KIF26B: variants seen among roughly 807,000 people sequenced by gnomAD.
The protein encoded by KIF26B is kinesin family member 26B.
KIF26B carries 63 observed loss-of-function variants against 151.2 expected under a neutral mutation model. The observed-to-expected ratio is 0.42, with a 90% CI of 0.34 to 0.51. The LOEUF is 0.51. Among genes scored for constraint, KIF26B ranks in the 20% least tolerant of loss-of-function variants. The pLI, the probability that KIF26B is intolerant of heterozygous loss-of-function variation, is 0.07. For missense variants in KIF26B, 2,813 were observed against 2,913.6 expected, an observed-to-expected ratio of 0.97 and a Z score of 0.79; for synonymous variants, 1,357 against 1,262.1, an observed-to-expected ratio of 1.08 and a Z score of -1.59.
intron 4 of KIF26B, among the ~76,000 whole-genome samples, chr1:245,537,885 T>C (rs1300210436): frequency 6.6e-6 from 1 of 152,134 alleles, no homozygotes; most frequent in Non-Finnish European, 1.5e-5. Context: ...GAAATAAAAA[T>C]TGATTAATCA....
At chr1:245,575,587 A>C (rs985266352) in intron 5 of KIF26B, among the ~76,000 whole-genome samples, 1 of 152,140 alleles carries the variant, frequency 6.6e-6, no homozygotes, top group African/African-American at 2.4e-5. Context: ...ACTCTTAGAT[A>C]TGTCAGGTTG....
At chr1:245,372,293 A>T (rs1457298125) in intron 3 of KIF26B, among the ~76,000 whole-genome samples, 1 of 152,080 alleles carries the variant, frequency 6.6e-6, no homozygotes, top group South Asian at 2.1e-4. Context: ...TCCGCGCCCT[A>T]TTTGTCTGCC....
At chr1:245,552,122 G>GATGTGTGTGTGTGTGTGTGTGTGTGT (rs1553287299) in intron 5 of KIF26B, among the ~76,000 whole-genome samples, 1 of 131,614 alleles carries the variant, frequency 7.6e-6, no homozygotes, top group East Asian at 2.3e-4. Context: ...GAACCAGCAG[G>GATGTGTGTGTGTGTGTGTGTGTGTGT]GTGTGTGTGT....
chr1:245,700,766 C>A (rs1380017181), intron 14 of KIF26B, among the ~76,000 whole-genome samples: 1 of 152,200 alleles, frequency 6.6e-6, no homozygotes, highest in South Asian at 2.1e-4. Flanking sequence ...GGCCTTTCAT[C>A]GAAGGCGCTA....
chr1:245,698,341 G>A lies in KIF26B; in HGVS notation c.6027+33G>A, dbSNP rs560485231. 11 of 1,586,118 alleles carry A rather than the reference G, an allele frequency of 6.9e-6. No individual in the cohort carries two copies. In the East Asian group the frequency reaches 1.1e-4, roughly 16 times the overall value. On this transcript the variant is annotated intron_variant, in intron 13 of 14. Transcript: ENST00000407071. The surrounding 1 kb of genome is among the most constrained non-coding windows in gnomAD (Gnocchi z 4.0). ...AGCCTCCTTCCCACCCCCTGCCTAC[G>A]TGGTGGCAGCTCCCCACCAAGCCTG... is the stretch of plus-strand genomic sequence containing the variant.
intron 2 of KIF26B, among the ~76,000 whole-genome samples, chr1:245,338,139 T>A (rs1307251864): frequency 6.6e-6 from 1 of 152,198 alleles, no homozygotes; most frequent in African/African-American, 2.4e-5. Context: ...AGACGCTGAA[T>A]CATCAAAAGC....
intron 10 of KIF26B, among the ~76,000 whole-genome samples, chr1:245,649,527 T>C (rs1182434528): frequency 6.6e-6 from 1 of 152,170 alleles, no homozygotes; most frequent in Non-Finnish European, 1.5e-5. Flanking sequence ...ACTAAACACC[T>C]TCAGGGTGTC....
intron 3 of KIF26B, chr1:245,370,667 A>G (rs1346646997): frequency 3.1e-5 from 14 of 455,550 alleles, no homozygotes; most frequent in African/African-American, 1.4e-4. Context: ...GGAGCATGAA[A>G]CTGGTGCTTT....
intron 4 of KIF26B, among the ~76,000 whole-genome samples, chr1:245,439,160 T>C (rs1093916): frequency 0.76 from 115,887 of 151,752 alleles, 44,445 homozygotes; most frequent in East Asian, 0.95. Flanking sequence ...CCAGCCTGGG[T>C]GACATGGCAA....
intron 3 of KIF26B, among the ~76,000 whole-genome samples, chr1:245,410,641 G>A (rs1297929726): frequency 6.6e-6 from 1 of 152,076 alleles, no homozygotes; most frequent in Non-Finnish European, 1.5e-5. Flanking sequence ...GTAGAGACAG[G>A]GTTTCACCAT....
chr1:245,155,478 G>C lies in KIF26B; in HGVS notation c.54G>C (p.Lys18Asn). 6.2e-7 allele frequency: 1 copy of C among 1,611,468 alleles called. No homozygotes were observed. Among genetic ancestry groups the C allele is most frequent in the South Asian group, 1.1e-5 (1 of 90,556 alleles). Residue 18 changes from lysine (K) to asparagine (N), a missense_variant, in exon 1 of 15, where the codon AAG becomes AAC. Physicochemically the swap from Lys to Asn is moderately conservative, Grantham distance 94. This residue lies in a region of KIF26B where 676 missense variants were observed against 688.1 expected (regional missense o/e 0.98). Transcript: ENST00000407071. ...GGCTTGCGGTCTCCACCAGGGGCAA[G>C]AAATACGGGGTAAGTTGTGACGGTA... ...KERLAVSTRG[K>N]KYGVNEVCSP...
At chr1:245,301,493 G>A (rs1036925836) in intron 2 of KIF26B, among the ~76,000 whole-genome samples, 3 of 152,182 alleles carry the variant, frequency 2.0e-5, no homozygotes, top group Admixed American at 6.5e-5. Flanking sequence ...CATGAAAGTG[G>A]CTGCCTGGCC....
intron 5 of KIF26B, among the ~76,000 whole-genome samples, chr1:245,596,831 T>C (rs990441804): frequency 2.6e-5 from 4 of 152,214 alleles, no homozygotes; most frequent in Non-Finnish European, 5.9e-5. Context: ...ATTGGGTGCA[T>C]ATATATTTAG....
Position 245,244,962 on chromosome 1 carries a change from A to G in KIF26B, c.465+88279A>G, listed in dbSNP as rs376487239. On this transcript the variant is annotated intron_variant, in intron 2 of 14. Transcript: ENST00000407071. This position sits in a 1 kb window ranked among gnomAD's most constrained non-coding sequence, Gnocchi z 4.2. ...CAGAAGGGTGAAATCGGCTGAAAAG[A>G]GGATGAAATGTTTTAAACGCTCAAG... Among the ~76,000 whole-genome samples the G allele has an allele frequency of 2.4e-4, 37 of 152,176 alleles. No homozygotes were observed. Among genetic ancestry groups the G allele is most frequent in the African/African-American group, 8.2e-4 (34 of 41,434 alleles).
Position 245,688,131 on chromosome 1 carries a change from C to T in KIF26B, c.5148C>T (p.Thr1716=). The T allele has an allele frequency of 6.3e-7, 1 of 1,585,488 alleles. No homozygotes were observed. The highest frequency in any genetic ancestry group is 1.1e-5 in the South Asian group (1 of 88,162). The stretch of plus-strand genomic sequence containing the variant: ...GGAGCCTGGGCCGCAGCGCCGGGAC[C>T]TCGCCCCCCAGCTCCGGGGCCTCGC... The part of the protein sequence containing the change: ...AGRSLGRSAG[T]SPPSSGASPK... The change falls in exon 12 of 15, where the codon ACC becomes ACT. Residue 1716 remains threonine (T), a synonymous_variant. Transcript: ENST00000407071.
At chr1:245,220,516 C>T (rs34443029) in intron 2 of KIF26B, among the ~76,000 whole-genome samples, 82,372 of 151,772 alleles carry the variant, frequency 0.54, 25,161 homozygotes, top group Non-Finnish European at 0.68. Flanking sequence ...GGGAAGCCTC[C>T]GCGGGGTGAG....
chr1:245,374,643 T>G (rs1188067234), intron 3 of KIF26B, among the ~76,000 whole-genome samples: 1 of 152,212 alleles, frequency 6.6e-6, no homozygotes, highest in Non-Finnish European at 1.5e-5. Flanking sequence ...ATGCCACGAT[T>G]AGACCAATTA....
intron 2 of KIF26B, among the ~76,000 whole-genome samples, chr1:245,350,181 A>G (rs1672535993): frequency 6.6e-6 from 1 of 152,060 alleles, no homozygotes; most frequent in Non-Finnish European, 1.5e-5. Flanking sequence ...TAGCTTGTTC[A>G]GAGGTGTGCA....
intron 2 of KIF26B, among the ~76,000 whole-genome samples, chr1:245,278,647 T>G (rs925824209): frequency 2.0e-5 from 3 of 152,098 alleles, no homozygotes; most frequent in Admixed American, 6.5e-5. Context: ...CCCTAGAAAA[T>G]AAATTCTACC....
Sources: gnomAD v4.1 joint callset for allele counts (sites outside exome capture counted in the v4.1 genomes callset) on GRCh38, gnomAD v4.1.1 for gene constraint, gnomAD v4.1.1 regional missense constraint, Gnocchi (gnomAD v3.1) non-coding constraint, MANE v1.5 for transcripts, NCBI Gene and HGNC (gene_info 2026-07-23, HGNC 2026-07-21) for gene names.